The following LOC730098 variants were observed in gnomAD, a reference collection of about 807,000 sequenced individuals.
the LOC730098 span, chr9:34,664,998 C>A: frequency 1.8e-6 from 1 of 551,950 alleles, no homozygotes; most frequent in South Asian, 2.4e-5. Flanking sequence ...GCGACAGCGG[C>A]GGCAGAGTCA....
chr9:34,665,371 A>C, the LOC730098 span: 3 of 644,054 alleles, frequency 4.7e-6, no homozygotes, highest in Non-Finnish European at 8.6e-6. Context: ...GCCCCAGTAG[A>C]TCCTGCAGAG....
chr9:34,665,506 A>C, the LOC730098 span: 1 of 696,960 alleles, frequency 1.4e-6, no homozygotes, highest in Non-Finnish European at 2.6e-6. Flanking sequence ...CTTCGCGCCC[A>C]CGCCCCTGGG....
the LOC730098 span, chr9:34,665,085 G>A: frequency 6.5e-5 from 39 of 600,848 alleles, no homozygotes; most frequent in Non-Finnish European, 1.1e-4. Context: ...GGCTGCGGCG[G>A]GGGAAGCCAC....
chr9:34,665,795 G>A, the LOC730098 span: 4 of 638,140 alleles, frequency 6.3e-6, no homozygotes, highest in Non-Finnish European at 1.1e-5. Context: ...CCCCCGAGAA[G>A]CCTCAGTTGC....
chr9:34,665,271 C>T, the LOC730098 span: 3 of 701,738 alleles, frequency 4.3e-6, no homozygotes, highest in African/African-American at 5.2e-5. Flanking sequence ...GACTGAGTCC[C>T]GTCCATGCCC....
At chr9:34,665,080 CGGCGGG>C in the LOC730098 span, 1 of 600,214 alleles carries the variant, frequency 1.7e-6, no homozygotes, top group Non-Finnish European at 3.0e-6. Context: ...GGTGGGGCTG[CGGCGGG>C]GGAAGCCACG....
the LOC730098 span, chr9:34,665,296 G>C: frequency 1.4e-6 from 1 of 701,910 alleles, no homozygotes; most frequent in South Asian, 1.5e-5. Flanking sequence ...CGGGTCCGCG[G>C]TATCGCAGCC....
chr9:34,665,543 C>G, the LOC730098 span: 1 of 698,492 alleles, frequency 1.4e-6, no homozygotes, highest in South Asian at 1.5e-5. Flanking sequence ...CCCCTCGCCC[C>G]CGCAGAACTC....
the LOC730098 span, chr9:34,665,995 A>G: frequency 7.3e-6 from 3 of 411,494 alleles, 1 homozygote; most frequent in South Asian, 8.1e-5. Context: ...GGGGGCTGAG[A>G]GGGGTCAGCG....
At chr9:34,665,481 T>C in the LOC730098 span, 4 of 695,754 alleles carry the variant, frequency 5.7e-6, no homozygotes, top group African/African-American at 7.0e-5. Flanking sequence ...CCGCCCCGCC[T>C]CTAAAAGCGG....
At chr9:34,664,939 T>A in the LOC730098 span, 1 of 481,374 alleles carries the variant, frequency 2.1e-6, no homozygotes, top group Non-Finnish European at 3.7e-6. Flanking sequence ...AGGGACGCCC[T>A]GTCAGTACGG....
chr9:34,665,833 T>G, the LOC730098 span: 1 of 603,164 alleles, frequency 1.7e-6, no homozygotes, highest in Non-Finnish European at 2.9e-6. Context: ...GGCTTGGAGA[T>G]TTGGGAGGCA....
the LOC730098 span, chr9:34,664,913 G>A: frequency 2.2e-6 from 1 of 464,116 alleles, no homozygotes; most frequent in Non-Finnish European, 3.8e-6. Context: ...TGACGTGGAA[G>A]GGCACCCTTC....
At chr9:34,665,423 C>G in the LOC730098 span, 1 of 698,806 alleles carries the variant, frequency 1.4e-6, no homozygotes, top group Non-Finnish European at 2.6e-6. Flanking sequence ...CGGGGAGGAG[C>G]TGACCCTACA....
the LOC730098 span, chr9:34,665,707 G>C: frequency 5.7e-6 from 4 of 700,630 alleles, no homozygotes; most frequent in Admixed American, 8.0e-5. Context: ...TTGAATCAGG[G>C]ATTCCCTAGC....
chr9:34,665,109 G>C, the LOC730098 span: 1 of 600,726 alleles, frequency 1.7e-6, no homozygotes, highest in African/African-American at 1.9e-5. Context: ...CCGAGCGCTG[G>C]GGAGTAGGAC....
the LOC730098 span, chr9:34,664,990 G>A: frequency 9.0e-6 from 5 of 553,874 alleles, no homozygotes; most frequent in Non-Finnish European, 1.3e-5. Flanking sequence ...CTCGAATGGC[G>A]ACAGCGGCGG....
chr9:34,664,712 G>A, the LOC730098 span: 1 of 261,808 alleles, frequency 3.8e-6, no homozygotes, highest in Non-Finnish European at 7.2e-6. Flanking sequence ...TGCTTAAAAT[G>A]TTTTAGATAT....
the LOC730098 span, chr9:34,665,517 A>AG: frequency 1.4e-6 from 1 of 698,150 alleles, no homozygotes; most frequent in Non-Finnish European, 2.6e-6. Flanking sequence ...CGCCCCTGGG[A>AG]GGCTCGCCCT....
Sources: gnomAD v4.1 joint callset for allele counts on GRCh38, gnomAD v4.1.1 for gene constraint, MANE v1.5 for transcripts.